DPP6: variants seen among roughly 807,000 people sequenced by gnomAD.
DPP6 encodes the protein A-type potassium channel modulatory protein DPP6.
A neutral mutation model predicts 122.6 loss-of-function variants in DPP6; 69 were observed. The observed-to-expected ratio is 0.56, with a 90% CI of 0.46 to 0.69. DPP6 has a LOEUF of 0.69. Ranked by LOEUF, DPP6 falls within the 30% of genes least tolerant of loss-of-function variation. The pLI is 0.00. For synonymous variants in DPP6, 418 were observed against 433.1 expected (o/e 0.97, Z 0.43); for missense variants, 928 against 1,116.9 (o/e 0.83, Z 2.41).
chr7:154,846,976 T>C (rs1801993158), intron 16 of DPP6, among the ~76,000 whole-genome samples: 1 of 152,206 alleles, frequency 6.6e-6, no homozygotes, highest in East Asian at 1.9e-4. Flanking sequence ...TTTATTCATT[T>C]AATCTCCTGC....
chr7:153,871,745 A>T, the DPP6 span, among the ~76,000 whole-genome samples: 1 of 152,150 alleles, frequency 6.6e-6, no homozygotes, highest in East Asian at 1.9e-4. Flanking sequence ...TGCGTCGCTC[A>T]CGCTGGGAGC....
chr7:153,867,806 T>C, the DPP6 span, among the ~76,000 whole-genome samples: 21 of 152,332 alleles, frequency 1.4e-4, no homozygotes, highest in Admixed American at 7.8e-4. Flanking sequence ...ATAGCTCTTA[T>C]TATTTTGAGA....
At chr7:154,702,723 A>G (rs1054601132) in intron 7 of DPP6, among the ~76,000 whole-genome samples, 1 of 152,260 alleles carries the variant, frequency 6.6e-6, no homozygotes, top group African/African-American at 2.4e-5. Context: ...TCTCCATAAC[A>G]TAAAAGTGCA....
chr7:153,980,468 T>C (rs1033627097), intron 1 of DPP6, among the ~76,000 whole-genome samples: 5 of 152,192 alleles, frequency 3.3e-5, no homozygotes, highest in Non-Finnish European at 7.3e-5. Flanking sequence ...TAGTGGTCTA[T>C]CTATTTTGTT....
At chr7:154,226,225 G>C (rs904572740) in intron 1 of DPP6, among the ~76,000 whole-genome samples, 1 of 152,144 alleles carries the variant, frequency 6.6e-6, no homozygotes, top group African/African-American at 2.4e-5. Context: ...TGTCTGCAAG[G>C]TGCTCTTTCA....
chr7:154,539,263 T>A (rs747168950), intron 3 of DPP6, among the ~76,000 whole-genome samples: 3 of 152,236 alleles, frequency 2.0e-5, no homozygotes, highest in Non-Finnish European at 4.4e-5. Context: ...GAAATTTTCT[T>A]ACTCTCTTCT....
At chr7:153,829,697 G>T in the DPP6 span, among the ~76,000 whole-genome samples, 1 of 152,100 alleles carries the variant, frequency 6.6e-6, no homozygotes, top group East Asian at 1.9e-4. Flanking sequence ...GGAACGCAGC[G>T]TGCATACCAG....
intron 1 of DPP6, among the ~76,000 whole-genome samples, chr7:153,928,422 G>GTTTTTTTT (rs1801022244): frequency 8.4e-5 from 1 of 11,886 alleles, no homozygotes; most frequent in Non-Finnish European, 2.0e-4. Context: ...TTTTTTTTTT[G>GTTTTTTTT]GTAGAGACAG....
At chr7:153,843,710 C>A in the DPP6 span, among the ~76,000 whole-genome samples, 50 of 152,262 alleles carry the variant, frequency 3.3e-4, no homozygotes, top group Non-Finnish European at 5.7e-4. Context: ...GAGATAAGAA[C>A]TTACAATATA....
chr7:154,160,441 A>G (rs1478554003), intron 1 of DPP6, among the ~76,000 whole-genome samples: 1 of 152,230 alleles, frequency 6.6e-6, no homozygotes, highest in Admixed American at 6.5e-5. Flanking sequence ...TTTTCCCCTA[A>G]CAAACTATGC....
chr7:154,455,125 G>T (rs192384083), intron 2 of DPP6, among the ~76,000 whole-genome samples: 68 of 152,106 alleles, frequency 4.5e-4, no homozygotes, highest in Non-Finnish European at 7.8e-4. Flanking sequence ...TGCTTCACTC[G>T]CCCACACGCA....
At chr7:154,686,545 T>C (rs1455770166) in intron 7 of DPP6, among the ~76,000 whole-genome samples, 1 of 152,128 alleles carries the variant, frequency 6.6e-6, no homozygotes, top group East Asian at 1.9e-4. Flanking sequence ...CTAACTGATA[T>C]TTCCCTCTAA....
chr7:154,198,281 G>T (rs1798973710), intron 1 of DPP6, among the ~76,000 whole-genome samples: 1 of 151,422 alleles, frequency 6.6e-6, no homozygotes, highest in South Asian at 2.1e-4. Context: ...GGACAAAGGG[G>T]CCCTCAGTGT....
At chr7:153,992,588 G>A (rs532673302) in intron 1 of DPP6, among the ~76,000 whole-genome samples, 9 of 152,256 alleles carry the variant, frequency 5.9e-5, no homozygotes, top group African/African-American at 7.2e-5. Flanking sequence ...CATCTAATCC[G>A]TCCTACCCAC....
chr7:154,285,199 A>G lies in DPP6; in HGVS notation c.244-161015A>G, dbSNP rs551473150. Among the ~76,000 whole-genome samples the G allele has an allele frequency of 3.3e-5, 5 of 152,320 alleles. No individual in the cohort carries two copies. In the South Asian group the frequency reaches 1.0e-3, roughly 32 times the overall value. On this transcript the variant is annotated intron_variant, in intron 1 of 25. Coordinates refer to ENST00000377770, the MANE Select transcript of DPP6 (RefSeq NM_130797.4). ...AAATAAAACTGCTTTTAACTAGTTT[A>G]TTTTAATTATACACTGAATTAAAAC... is the stretch of plus-strand genomic sequence containing the variant.
chr7:154,677,392 T>G (rs1039812215), intron 7 of DPP6, among the ~76,000 whole-genome samples: 7 of 117,402 alleles, frequency 6.0e-5, no homozygotes, highest in Non-Finnish European at 1.1e-4. Context: ...AGTTGAGGGG[T>G]TTTTTTTGCA....
At chr7:154,545,497 A>ATCCTTCCTTCCT (rs34668667) in intron 4 of DPP6, among the ~76,000 whole-genome samples, 22 of 122,098 alleles carry the variant, frequency 1.8e-4, no homozygotes, top group African/African-American at 5.8e-4. Context: ...CCTTCCTTCC[A>ATCCTTCCTTCCT]TCCTTCCTTC....
intron 1 of DPP6, among the ~76,000 whole-genome samples, chr7:154,343,790 A>G (rs1168032127): frequency 1.3e-5 from 2 of 152,192 alleles, no homozygotes; most frequent in East Asian, 3.9e-4. Context: ...CATGTTGGCC[A>G]GGCTGGTATC....
the DPP6 span, among the ~76,000 whole-genome samples, chr7:153,857,451 G>C: frequency 6.6e-6 from 1 of 151,398 alleles, no homozygotes; most frequent in Non-Finnish European, 1.5e-5. Context: ...CTGTCAGAAA[G>C]AAGCTATTTC....
Sources: allele counts gnomAD v4.1 joint callset (sites outside exome capture counted in the v4.1 genomes callset), GRCh38; gene constraint gnomAD v4.1.1; transcripts MANE v1.5; gene names NCBI Gene and HGNC (gene_info 2026-07-23, HGNC 2026-07-21).